The following ST18 variants were observed in gnomAD, a reference collection of about 807,000 sequenced individuals.
The protein encoded by ST18 is ST18 C2H2C-type zinc finger transcription factor.
Under a neutral mutation model 110.0 loss-of-function variants are expected in ST18, and 50 were observed. The observed-to-expected ratio is 0.45, with a 90% CI of 0.36 to 0.58. ST18 has a LOEUF of 0.58. ST18 is among the 20% of genes least tolerant of loss of function. The probability of loss-of-function intolerance (pLI) is 0.00; values close to 1 mark genes in which losing one functional copy is unlikely to be tolerated. For synonymous variants in ST18, 461 were observed against 452.4 expected (o/e 1.02, Z -0.24); for missense variants, 1,306 against 1,280.1 (o/e 1.02, Z -0.31).
intron 2 of ST18, among the ~76,000 whole-genome samples, chr8:52,320,750 C>A (rs1213835654): frequency 6.6e-6 from 1 of 152,170 alleles, no homozygotes; most frequent in Non-Finnish European, 1.5e-5. Flanking sequence ...AAAATTAAGA[C>A]AACATTGAAA....
intron 2 of ST18, among the ~76,000 whole-genome samples, chr8:52,257,464 A>G (rs2094560744): frequency 2.0e-5 from 3 of 151,824 alleles, no homozygotes; most frequent in Admixed American, 6.6e-5. Context: ...TATCTTTTCT[A>G]TTATGGTTGT....
At chr8:52,163,495 A>G (rs1418613026) in intron 13 of ST18, among the ~76,000 whole-genome samples, 1 of 152,170 alleles carries the variant, frequency 6.6e-6, no homozygotes, top group East Asian at 1.9e-4. Flanking sequence ...CCAATAGGAG[A>G]TACTTTATTA....
intron 8 of ST18, among the ~76,000 whole-genome samples, chr8:52,198,173 AT>A (rs1306914431): frequency 6.6e-6 from 1 of 151,888 alleles, no homozygotes. Flanking sequence ...CGCCTGGCTA[AT>A]TTTTGTATTT....
At chr8:52,120,758 C>T (rs1211869666) in intron 23 of ST18, among the ~76,000 whole-genome samples, 15 of 151,984 alleles carry the variant, frequency 9.9e-5, no homozygotes, top group Admixed American at 6.6e-4. Context: ...TTTTGAGTAG[C>T]GGATAGATTG....
intron 17 of ST18, among the ~76,000 whole-genome samples, chr8:52,139,248 G>A (rs1414643358): frequency 2.0e-5 from 3 of 152,106 alleles, no homozygotes; most frequent in Non-Finnish European, 4.4e-5. Context: ...TATTCAGAGT[G>A]AGAGGTGTTT....
chr8:52,143,478 C>T lies in ST18; in HGVS notation c.2053-433G>A, dbSNP rs540864437. ...CCAGCCTGGCGACAGAGCAAGACTC[C>T]GTCTCAAAAAAAAAGAAAAGAAAAG... On this transcript the variant is annotated intron_variant, in intron 16 of 25. Coordinates refer to ENST00000689386, the MANE Select transcript of ST18 (RefSeq NM_001352837.2). Among the ~76,000 whole-genome samples, 11 of 144,076 alleles carry T rather than the reference C, an allele frequency of 7.6e-5. 1 individual carries two copies. The highest frequency in any genetic ancestry group is 2.2e-4 in the African/African-American group (8 of 36,462). The allele number at this position is 144,076 out of a possible 152,430, so 94.5% of individuals were successfully genotyped here. A position where few individuals can be genotyped will look rare whatever the true frequency, so the allele number is the denominator to read the frequency against.
chr8:52,230,702 G>A (rs1271236332), intron 2 of ST18, among the ~76,000 whole-genome samples: 8 of 152,000 alleles, frequency 5.3e-5, no homozygotes, highest in Admixed American at 2.0e-4. Flanking sequence ...GTGTTTCCAC[G>A]CTAAAAATAT....
chr8:52,198,693 A>G (rs1482177389), intron 8 of ST18, among the ~76,000 whole-genome samples: 1 of 152,216 alleles, frequency 6.6e-6, no homozygotes, highest in Non-Finnish European at 1.5e-5. Flanking sequence ...GTGAGTGTGT[A>G]TATGTATATA....
chr8:52,359,970 C>G (rs145022495), intron 2 of ST18, among the ~76,000 whole-genome samples: 4,234 of 152,186 alleles, frequency 0.028, 77 homozygotes, highest in Non-Finnish European at 0.038. Flanking sequence ...AAATAGCAAA[C>G]CAAATTCACA....
rs370959700 is a variant in ST18 at position 52,172,403 on chromosome 8, C to A, written c.458G>T (p.Gly153Val). Residue 153 changes from glycine to valine, a missense_variant, in exon 10 of 26, where the codon GGC becomes GTC. Physicochemically the swap from Gly to Val is moderately radical, Grantham distance 109. Coordinates refer to ENST00000689386, the MANE Select transcript of ST18 (RefSeq NM_001352837.2). ...QTVSENLNDS[G>V]IQSLKAESDE... is the part of the protein sequence containing the mutation. Reference sequence around the variant, plus strand: ...GCTCTCTGCTTTTAAAGACTGGATGCCACTGTCATTTAAATTTTCACTTAC... The same window carrying A: ...GCTCTCTGCTTTTAAAGACTGGATGACACTGTCATTTAAATTTTCACTTAC... 1.1e-5 allele frequency: 17 copies of A among 1,613,858 alleles called. No individual in the cohort carries two copies. The African/African-American group carries it at 2.1e-4, about 20-fold the overall frequency.
At chr8:52,400,529 T>C (rs977057072) in intron 2 of ST18, among the ~76,000 whole-genome samples, 1 of 152,060 alleles carries the variant, frequency 6.6e-6, no homozygotes, top group South Asian at 2.1e-4. Context: ...GCCTTTGTGA[T>C]TTGTTGATTT....
chr8:52,209,356 A>G (rs1404205786), intron 8 of ST18, among the ~76,000 whole-genome samples: 3 of 152,200 alleles, frequency 2.0e-5, no homozygotes, highest in Non-Finnish European at 4.4e-5. Context: ...ATTTATTTTC[A>G]CTTTATTCAT....
intron 2 of ST18, among the ~76,000 whole-genome samples, chr8:52,374,531 T>TTTC (rs1564608317): frequency 8.0e-5 from 12 of 150,498 alleles, no homozygotes; most frequent in South Asian, 2.1e-4. Flanking sequence ...CATTTCATTT[T>TTTC]ATTTTATTTT....
intron 2 of ST18, among the ~76,000 whole-genome samples, chr8:52,347,749 G>A (rs1040518504): frequency 1.3e-5 from 2 of 152,206 alleles, no homozygotes; most frequent in African/African-American, 4.8e-5. Flanking sequence ...CTGAGGCACA[G>A]AGATGTTAAA....
chr8:52,137,550 A>T (rs571031710), intron 17 of ST18, 67 bp from the exon 18 acceptor site: 1 of 1,527,120 alleles, frequency 6.5e-7, no homozygotes, highest in East Asian at 2.3e-5. Flanking sequence ...TCTGCCCAGT[A>T]GATTACGGAG....
intron 2 of ST18, among the ~76,000 whole-genome samples, chr8:52,231,650 T>A (rs1243139443): frequency 6.6e-6 from 1 of 152,214 alleles, no homozygotes; most frequent in Non-Finnish European, 1.5e-5. Context: ...TGAATTTTTG[T>A]ATTTTTAGTA....
chr8:52,212,222 G>A, intron 7 of ST18, 113 bp from the exon 8 acceptor site: 3 of 971,040 alleles, frequency 3.1e-6, no homozygotes, highest in African/African-American at 1.6e-5. Context: ...TTCTCACTGG[G>A]TGGGTTCATC....
At chr8:52,137,634 T>G (rs2053027923) in intron 17 of ST18, 151 bp from the exon 18 acceptor site, 2 of 666,364 alleles carry the variant, frequency 3.0e-6, no homozygotes, top group Admixed American at 6.4e-5. Context: ...AGGATTTATA[T>G]TATATAAGAA....
In ST18 at chr8:52,159,099, A is replaced by G. The variant is rs2060753306; in HGVS notation, c.1605T>C (p.Phe535=). Residue 535 remains phenylalanine, a synonymous_variant, in exon 15 of 26, where the codon TTT becomes TTC. Transcript: ENST00000689386. ...KTPPFPESKH[F]PNPVKFPNRL... ...GATTAGGAAATTTCACTGGATTTGG[A>G]AAATGCTTTGCTGTTGAAGAGAGAT... The G allele has an allele frequency of 6.2e-7, 1 of 1,613,756 alleles. No homozygotes were observed. Among genetic ancestry groups the G allele is most frequent in the African/African-American group, 1.3e-5 (1 of 74,938 alleles).
Sources: allele counts gnomAD v4.1 joint callset (sites outside exome capture counted in the v4.1 genomes callset), GRCh38; gene constraint gnomAD v4.1.1; transcripts MANE v1.5; gene names NCBI Gene and HGNC (gene_info 2026-07-23, HGNC 2026-07-21).